Variants in KLF17 observed in about 807,000 individuals in gnomAD.
KLF17 encodes the protein KLF transcription factor 17, also known as Krueppel-like factor 17.
In KLF17, 31 loss-of-function variants were observed where a neutral mutation model predicts 34.2. The observed-to-expected ratio is 0.91, with a 90% confidence interval of 0.68 to 1.22. The LOEUF is 1.22. KLF17 is among the 50% of genes most tolerant of loss of function. KLF17 has a pLI of 0.00. For missense variants in KLF17, 478 were observed against 505.2 expected (o/e 0.95, Z 0.52); for synonymous variants, 179 against 186.7 (o/e 0.96, Z 0.34).
intron 1 of KLF17, among the ~76,000 whole-genome samples, chr1:44,124,068 G>C (rs1214407856): frequency 6.6e-6 from 1 of 152,038 alleles, no homozygotes; most frequent in Non-Finnish European, 1.5e-5. Flanking sequence ...GGAGTGTTCT[G>C]TGTATGTCTG....
the KLF17 span, among the ~76,000 whole-genome samples, chr1:44,053,622 G>T: frequency 6.6e-6 from 1 of 152,188 alleles, no homozygotes; most frequent in Non-Finnish European, 1.5e-5. Flanking sequence ...GCCAAAATTA[G>T]ACCTGTGTCC....
At chr1:44,104,196 A>G in the KLF17 span, 1 of 1,078,486 alleles carries the variant, frequency 9.3e-7, no homozygotes, top group South Asian at 1.2e-5. Context: ...GATGAGGACA[A>G]ATTGATTCTC....
At chr1:44,053,065 A>G in the KLF17 span, among the ~76,000 whole-genome samples, 1 of 151,668 alleles carries the variant, frequency 6.6e-6, no homozygotes, top group Non-Finnish European at 1.5e-5. Context: ...ATGACCAACT[A>G]ATTTTTTGTA....
At chr1:44,132,241 G>C (rs1424765596) in intron 3 of KLF17, among the ~76,000 whole-genome samples, 1 of 152,168 alleles carries the variant, frequency 6.6e-6, no homozygotes, top group Non-Finnish European at 1.5e-5. Context: ...GGGAGGTGGA[G>C]GTTGCGGTGA....
intron 1 of KLF17, among the ~76,000 whole-genome samples, chr1:44,127,527 C>T (rs150370667): frequency 1.0e-4 from 15 of 146,846 alleles, no homozygotes; most frequent in Admixed American, 7.4e-4. Flanking sequence ...CCCTCCCTCC[C>T]TCCTTCCCTC....
chr1:44,068,095 G>T, the KLF17 span, among the ~76,000 whole-genome samples: 4 of 151,882 alleles, frequency 2.6e-5, no homozygotes, highest in Non-Finnish European at 2.9e-5. Context: ...TGTGATCTCG[G>T]CTCACTATAA....
chr1:44,080,817 C>T, the KLF17 span, among the ~76,000 whole-genome samples: 1 of 142,234 alleles, frequency 7.0e-6, no homozygotes, highest in East Asian at 2.2e-4. Context: ...TAGGCTCAAA[C>T]AATCCTCCTG....
chr1:44,087,161 G>A, the KLF17 span, among the ~76,000 whole-genome samples: 4 of 152,170 alleles, frequency 2.6e-5, no homozygotes, highest in African/African-American at 7.2e-5. Flanking sequence ...AATTTAAACT[G>A]GGTGAGGAAG....
chr1:44,099,837 G>GAAAGAAAGA, the KLF17 span, among the ~76,000 whole-genome samples: 18 of 19,466 alleles, frequency 9.2e-4, 1 homozygote, highest in African/African-American at 6.8e-3. Flanking sequence ...AAGAAAGAAA[G>GAAAGAAAGA]AAAGAAAGAA....
the KLF17 span, among the ~76,000 whole-genome samples, chr1:44,097,675 G>A: frequency 0.094 from 14,256 of 152,170 alleles, 923 homozygotes; most frequent in Non-Finnish European, 0.14. Flanking sequence ...GGTGACAGTA[G>A]TTTTCCTTGT....
chr1:44,089,798 T>G, the KLF17 span, among the ~76,000 whole-genome samples: 1 of 152,208 alleles, frequency 6.6e-6, no homozygotes, highest in African/African-American at 2.4e-5. Context: ...GCACCTGTTT[T>G]TGTCAACACA....
intron 1 of KLF17, among the ~76,000 whole-genome samples, chr1:44,120,412 G>A (rs2087933066): frequency 6.6e-6 from 1 of 152,236 alleles, no homozygotes; most frequent in African/African-American, 2.4e-5. Flanking sequence ...GAGGGGGTCT[G>A]AGAGAAGGGA....
the KLF17 span, chr1:44,106,545 G>T: frequency 6.6e-6 from 1 of 152,182 alleles, no homozygotes; most frequent in East Asian, 1.9e-4. Context: ...GGACTATCAA[G>T]GTTGACAGTC....
upstream of KLF17, chr1:44,115,381 G>A (rs1252596775): frequency 6.6e-6 from 1 of 150,514 alleles, no homozygotes; most frequent in Non-Finnish European, 1.5e-5. Context: ...AACCCGGGAG[G>A]CGGAGCTTGC....
chr1:44,095,930 TTTTG>T, the KLF17 span, among the ~76,000 whole-genome samples: 3 of 152,038 alleles, frequency 2.0e-5, no homozygotes, highest in Admixed American at 6.6e-5. Context: ...TGGTGGAGTT[TTTTG>T]TTTGTTTGTT....
In KLF17 at chr1:44,129,805, T is replaced by A; in HGVS notation, c.534T>A (p.Pro178=). The A allele has an allele frequency of 6.2e-6, 10 of 1,614,184 alleles. No homozygotes were observed. The highest frequency in any genetic ancestry group is 1.3e-5 in the African/African-American group (1 of 75,062). Residue 178 remains proline, a synonymous_variant, in exon 2 of 4, where the codon CCT becomes CCA. Coordinates refer to ENST00000372299, the MANE Select transcript of KLF17 (RefSeq NM_173484.4). ...IMSHTGNPPV[P]YPGLSTVPSD... Reference sequence around the variant, plus strand: ...CCCACACTGGGAACCCTCCAGTGCCTTACCCTGGCCTCTCGACAGTACCTT... The same window carrying A: ...CCCACACTGGGAACCCTCCAGTGCCATACCCTGGCCTCTCGACAGTACCTT...
the KLF17 span, among the ~76,000 whole-genome samples, chr1:44,091,917 A>AG: frequency 2.7e-5 from 4 of 148,310 alleles, no homozygotes; most frequent in African/African-American, 7.4e-5. Flanking sequence ...CTGTCTCAAA[A>AG]AAAAAAAAAA....
At chr1:44,092,386 G>T in the KLF17 span, among the ~76,000 whole-genome samples, 1 of 152,010 alleles carries the variant, frequency 6.6e-6, no homozygotes, top group Non-Finnish European at 1.5e-5. Flanking sequence ...AGAAGGGGAC[G>T]CCATTCAACT....
the KLF17 span, among the ~76,000 whole-genome samples, chr1:44,075,255 C>T: frequency 1.1e-4 from 17 of 152,308 alleles, no homozygotes; most frequent in Admixed American, 6.5e-4. Context: ...ACCAACACAA[C>T]AGCATAACAG....
Sources: allele counts gnomAD v4.1 joint callset (sites outside exome capture counted in the v4.1 genomes callset), GRCh38; gene constraint gnomAD v4.1.1; transcripts MANE v1.5; gene names NCBI Gene and HGNC (gene_info 2026-07-23, HGNC 2026-07-21).